The following DOCK4 variants were observed in gnomAD, a reference collection of about 807,000 sequenced individuals.
DOCK4 encodes dedicator of cytokinesis protein 4.
DOCK4 carries 97 observed loss-of-function variants against 268.1 expected under a neutral mutation model. The observed-to-expected ratio is 0.36, with a 90% CI of 0.31 to 0.43. The LOEUF is 0.43. Ranked by LOEUF, DOCK4 falls within the 20% of genes least tolerant of loss-of-function variation. DOCK4 has a pLI of 1.00. For missense variants in DOCK4, 2,145 were observed against 2,455.7 expected (o/e 0.87, Z 2.67); for synonymous variants, 954 against 887.2 (o/e 1.08, Z -1.34).
At chr7:112,073,802 A>G (rs1461111875) in intron 1 of DOCK4, among the ~76,000 whole-genome samples, 1 of 152,098 alleles carries the variant, frequency 6.6e-6, no homozygotes, top group African/African-American at 2.4e-5. Context: ...TAACAGATAC[A>G]AAATTATAAC....
intron 28 of DOCK4, among the ~76,000 whole-genome samples, chr7:111,810,041 T>G (rs1274323448): frequency 6.7e-6 from 1 of 149,032 alleles, no homozygotes; most frequent in African/African-American, 2.5e-5. Context: ...TGACACCATG[T>G]AAAATTAAAG....
At chr7:112,203,185 G>A (rs1011042072) in intron 1 of DOCK4, among the ~76,000 whole-genome samples, 9 of 152,308 alleles carry the variant, frequency 5.9e-5, no homozygotes, top group African/African-American at 1.9e-4. Flanking sequence ...GTCTAGCCCA[G>A]AATCAAGAGC....
intron 1 of DOCK4, among the ~76,000 whole-genome samples, chr7:112,040,586 G>A (rs1274763307): frequency 1.3e-5 from 2 of 152,032 alleles, no homozygotes; most frequent in African/African-American, 4.8e-5. Context: ...CAAAAAATAG[G>A]TAGATGATGA....
intron 25 of DOCK4, among the ~76,000 whole-genome samples, chr7:111,836,829 A>G (rs1443392213): frequency 6.6e-6 from 1 of 152,156 alleles, no homozygotes; most frequent in Non-Finnish European, 1.5e-5. Flanking sequence ...ATTCTCCAAA[A>G]TAAAGCATAG....
intron 34 of DOCK4, among the ~76,000 whole-genome samples, chr7:111,783,568 A>ATT (rs538422573): frequency 2.8e-5 from 4 of 145,304 alleles, no homozygotes; most frequent in Admixed American, 6.9e-5. Flanking sequence ...CAAAATAAAG[A>ATT]TTTTTTTTTT....
At position 111,781,517 on chromosome 7, in the gene DOCK4, A is replaced by C. The variant is rs919254063; in HGVS notation, c.3585+1347T>G. On this transcript the variant is annotated intron_variant, in intron 35 of 52. Transcript: ENST00000428084. Reference sequence around the variant, plus strand: ...AGCGTGGGCTAATGGCCTGCAGGTTACCGTTGGGTCTAATGAAAACATTAT... The same window carrying C: ...AGCGTGGGCTAATGGCCTGCAGGTTCCCGTTGGGTCTAATGAAAACATTAT... Among the ~76,000 whole-genome samples, 4 of 152,206 alleles carry C rather than the reference A, an allele frequency of 2.6e-5. 1 individual carries two copies. Among genetic ancestry groups the C allele is most frequent in the African/African-American group, 9.7e-5 (4 of 41,446 alleles).
At chr7:111,939,159 A>C (rs1483270020) in intron 11 of DOCK4, among the ~76,000 whole-genome samples, 1 of 152,060 alleles carries the variant, frequency 6.6e-6, no homozygotes, top group Non-Finnish European at 1.5e-5. Flanking sequence ...AGCCCTCAGA[A>C]GGAGCCAACT....
At chr7:111,791,070 T>TTATATATATATATATATATATATA (rs35033313) in intron 30 of DOCK4, among the ~76,000 whole-genome samples, 18 of 95,428 alleles carry the variant, frequency 1.9e-4, no homozygotes, top group African/African-American at 1.0e-3. Context: ...AAAAAAAAAA[T>TTATATATATATATATATATATATA]TATATATATA....
chr7:112,064,838 G>A (rs192285088), intron 1 of DOCK4, among the ~76,000 whole-genome samples: 33 of 152,254 alleles, frequency 2.2e-4, no homozygotes, highest in Admixed American at 8.5e-4. Flanking sequence ...AGGAAATTTG[G>A]ACACACAAAC....
At chr7:112,024,090 A>G (rs1464511914) in intron 1 of DOCK4, among the ~76,000 whole-genome samples, 1 of 152,206 alleles carries the variant, frequency 6.6e-6, no homozygotes, top group Non-Finnish European at 1.5e-5. Flanking sequence ...GTTTTTCAAG[A>G]AAGACTATTT....
At chr7:111,841,287 C>G (rs746343499) in intron 25 of DOCK4, among the ~76,000 whole-genome samples, 2 of 151,984 alleles carry the variant, frequency 1.3e-5, no homozygotes, top group Non-Finnish European at 2.9e-5. Context: ...GCCTCAGTCT[C>G]CTGAGTAGCT....
At chr7:111,915,748 T>G in intron 13 of DOCK4, 31 bp downstream of exon 13, 1 of 1,606,540 alleles carries the variant, frequency 6.2e-7, no homozygotes, top group Non-Finnish European at 8.5e-7. Context: ...TACCCATATT[T>G]CATCATATCG....
In DOCK4 at chr7:111,827,611, A is replaced by G. The variant is rs1444405366; in HGVS notation, c.2836-5155T>C. Among the ~76,000 whole-genome samples, 3 of 152,158 alleles carry G rather than the reference A, an allele frequency of 2.0e-5. No individual in the cohort carries two copies. In the East Asian group the frequency reaches 5.8e-4, roughly 29 times the overall value. On this transcript the variant is annotated intron_variant, in intron 26 of 52. Coordinates refer to ENST00000428084, the MANE Select transcript of DOCK4 (RefSeq NM_001363540.2). ...TCAGAGAAGGGATTAACAGGGGTAC[A>G]CATTAGGTAATGGAAGTGAGGTGGT...
chr7:111,817,632 C>T (rs1801653884), intron 27 of DOCK4, among the ~76,000 whole-genome samples: 1 of 152,192 alleles, frequency 6.6e-6, no homozygotes, highest in Non-Finnish European at 1.5e-5. Flanking sequence ...TACCTAGCAA[C>T]CTTGCATGCA....
At chr7:111,960,374 A>G (rs1478613643) in intron 8 of DOCK4, among the ~76,000 whole-genome samples, 1 of 150,616 alleles carries the variant, frequency 6.6e-6, no homozygotes, top group Non-Finnish European at 1.5e-5. Flanking sequence ...AAAAAAAAAA[A>G]AAAGAAAAGA....
chr7:111,741,606 C>G lies in DOCK4; in HGVS notation c.4853G>C (p.Arg1618Pro), dbSNP rs746988311. Reference sequence around the variant, plus strand: ...AGCAGGTGCTGAGTTTCTACACACACGAGGGCTTCCATTAGGAAAATGGAC... The same window carrying G: ...AGCAGGTGCTGAGTTTCTACACACAGGAGGGCTTCCATTAGGAAAATGGAC... ...SPVHFPNGSP[R>P]VCRNSAPASV... Residue 1618 changes from arginine (R) to proline (P), a missense_variant, in exon 46 of 53, where the codon CGT becomes CCT. Arg to Pro is a moderately radical substitution (Grantham distance 103). Coordinates refer to ENST00000428084, the MANE Select transcript of DOCK4 (RefSeq NM_001363540.2). 6.2e-6 allele frequency: 10 copies of G among 1,613,440 alleles called. No homozygotes were observed. The highest frequency in any genetic ancestry group is 1.3e-5 in the African/African-American group (1 of 74,864).
chr7:112,118,961 C>A (rs1233739682), intron 1 of DOCK4, among the ~76,000 whole-genome samples: 2 of 152,120 alleles, frequency 1.3e-5, no homozygotes, highest in African/African-American at 2.4e-5. Flanking sequence ...ACATATAGCT[C>A]GTACGCATCT....
At chr7:111,779,612 C>T (rs971870134) in intron 35 of DOCK4, among the ~76,000 whole-genome samples, 3 of 152,094 alleles carry the variant, frequency 2.0e-5, no homozygotes, top group South Asian at 2.1e-4. Flanking sequence ...AGGCTAGTCT[C>T]GAACTCCTGA....
At chr7:111,973,123 C>T (rs1242547099) in intron 8 of DOCK4, among the ~76,000 whole-genome samples, 2 of 140,206 alleles carry the variant, frequency 1.4e-5, no homozygotes, top group African/African-American at 2.7e-5. Flanking sequence ...GCCATTATTT[C>T]ATTCCTTTAT....
Sources: allele counts gnomAD v4.1 joint callset (sites outside exome capture counted in the v4.1 genomes callset), GRCh38; gene constraint gnomAD v4.1.1; transcripts MANE v1.5; gene names NCBI Gene and HGNC (gene_info 2026-07-23, HGNC 2026-07-21).